The following KLF7 variants were observed in gnomAD, a reference collection of about 807,000 sequenced individuals.
KLF7 encodes the protein Krueppel-like factor 7.
In KLF7, 2 loss-of-function variants were observed where a neutral mutation model predicts 27.3. The ratio of observed to expected loss-of-function variants is 0.07; its 90% CI spans 0.03 to 0.23. KLF7 has a LOEUF of 0.23. Ranked by LOEUF, KLF7 falls within the 10% of genes least tolerant of loss-of-function variation. The pLI, the probability that KLF7 is intolerant of heterozygous loss-of-function variation, is 1.00. For missense variants in KLF7, 221 were observed against 394.1 expected (o/e 0.56, Z 3.72); for synonymous variants, 165 against 162.4 (o/e 1.02, Z -0.12).
intron 1 of KLF7, among the ~76,000 whole-genome samples, chr2:207,145,964 T>C (rs535743129): frequency 1.6e-4 from 24 of 152,310 alleles, no homozygotes; most frequent in South Asian, 4.1e-4. Context: ...AGCGATGAAA[T>C]TGAGCATTCT....
intron 2 of KLF7, among the ~76,000 whole-genome samples, chr2:207,108,239 G>A (rs762256586): frequency 1.3e-5 from 2 of 152,190 alleles, no homozygotes; most frequent in South Asian, 2.1e-4. Flanking sequence ...AACCATGAGA[G>A]GGGGGAGAAA....
chr2:207,165,232 G>A (rs566863342), intron 1 of KLF7, among the ~76,000 whole-genome samples: 1 of 152,184 alleles, frequency 6.6e-6, no homozygotes, highest in Admixed American at 6.5e-5. Flanking sequence ...GTTGGCGACT[G>A]AAACGCAGGC....
intron 1 of KLF7, among the ~76,000 whole-genome samples, chr2:207,160,219 A>G (rs1201447406): frequency 1.3e-5 from 2 of 152,142 alleles, no homozygotes; most frequent in Non-Finnish European, 2.9e-5. Flanking sequence ...GGGTTAAAAC[A>G]TTCCGCCCCC....
At chr2:207,096,885 C>G (rs1160699410) in intron 2 of KLF7, among the ~76,000 whole-genome samples, 1 of 152,168 alleles carries the variant, frequency 6.6e-6, no homozygotes, top group Non-Finnish European at 1.5e-5. Context: ...GTTCTCATCC[C>G]CTATATCCAT....
chr2:207,125,956 T>C (rs2077465925), intron 1 of KLF7, among the ~76,000 whole-genome samples: 2 of 152,232 alleles, frequency 1.3e-5, no homozygotes, highest in African/African-American at 4.8e-5. Flanking sequence ...GATAAGTTCT[T>C]AGGGGCTGAG....
intron 2 of KLF7, among the ~76,000 whole-genome samples, chr2:207,092,908 C>T (rs1211215534): frequency 6.6e-6 from 1 of 152,070 alleles, no homozygotes; most frequent in Admixed American, 6.6e-5. Context: ...TTCTTCTTGC[C>T]TTCAAAAAGA....
intron 1 of KLF7, chr2:207,149,172 T>C: frequency 3.9e-6 from 5 of 1,288,524 alleles, no homozygotes; most frequent in Non-Finnish European, 4.0e-6. Context: ...TGGTGTGTTT[T>C]CTTTTTGGAG....
rs59847589 is a variant in KLF7 at position 207,081,061 on chromosome 2, ATGTGTG to A, written c.*146_*151del. On this transcript the variant is annotated 3_prime_UTR_variant, in exon 4 of 4. Transcript: ENST00000309446. ...TGTGTGGGTCTGTGAGTGTGTGTAT[ATGTGTG>A]TGTGTGTGTGTGTGTGTACAGAGGT... 1.5e-5 allele frequency: 10 copies of A among 671,224 alleles called. No homozygotes were observed. The highest frequency in any genetic ancestry group is 4.2e-4 in the Middle Eastern group (1 of 2,398). 41.6% of individuals were successfully genotyped at this position (671,224 alleles called of 1,614,324 possible).
intron 3 of KLF7, among the ~76,000 whole-genome samples, chr2:207,087,818 T>C (rs530962351): frequency 1.8e-4 from 27 of 152,214 alleles, no homozygotes; most frequent in Non-Finnish European, 3.7e-4. Context: ...GGGTAGTATC[T>C]GTTGCTACGT....
At chr2:207,129,093 G>C (rs2077555009) in intron 1 of KLF7, among the ~76,000 whole-genome samples, 1 of 152,208 alleles carries the variant, frequency 6.6e-6, no homozygotes, top group Non-Finnish European at 1.5e-5. Context: ...CAACATTTCT[G>C]TAAGTCTAAA....
At chr2:207,153,539 G>A (rs980595745) in intron 1 of KLF7, among the ~76,000 whole-genome samples, 1 of 152,108 alleles carries the variant, frequency 6.6e-6, no homozygotes, top group Non-Finnish European at 1.5e-5. Flanking sequence ...ATTTTTTAAA[G>A]TTAGGTGTTC....
intron 2 of KLF7, among the ~76,000 whole-genome samples, chr2:207,106,541 C>T (rs1379046021): frequency 6.6e-6 from 1 of 152,128 alleles, no homozygotes; most frequent in Non-Finnish European, 1.5e-5. Flanking sequence ...CAGCATTCAT[C>T]GTCTGGTATT....
chr2:207,142,696 T>C (rs1366800045), intron 1 of KLF7, among the ~76,000 whole-genome samples: 5 of 152,118 alleles, frequency 3.3e-5, no homozygotes, highest in Admixed American at 3.3e-4. Context: ...ACAATGACAT[T>C]CTAAAAAGTG....
chr2:207,126,664 G>A (rs1055657066), intron 1 of KLF7, among the ~76,000 whole-genome samples: 41 of 152,236 alleles, frequency 2.7e-4, no homozygotes, highest in Admixed American at 2.4e-3. Context: ...TTTGCCGGGC[G>A]CAGTGGCTTG....
chr2:207,147,471 A>G (rs949313620), intron 1 of KLF7, among the ~76,000 whole-genome samples: 1 of 152,200 alleles, frequency 6.6e-6, no homozygotes, highest in African/African-American at 2.4e-5. Flanking sequence ...AGTGTTATGC[A>G]TATCAGCATA....
At chr2:207,124,450 G>A in intron 1 of KLF7, 46 bp from the exon 2 acceptor site, 1 of 1,519,122 alleles carries the variant, frequency 6.6e-7, no homozygotes, top group South Asian at 1.3e-5. Context: ...CAGAGGCACA[G>A]AACACCATGA....
At chr2:207,092,215 C>A (rs1268382983) in intron 2 of KLF7, among the ~76,000 whole-genome samples, 5 of 152,100 alleles carry the variant, frequency 3.3e-5, no homozygotes, top group African/African-American at 9.7e-5. Flanking sequence ...CTAGAGTGAA[C>A]AAAAATGCTC....
intron 2 of KLF7, among the ~76,000 whole-genome samples, chr2:207,099,926 T>C (rs1183046604): frequency 3.9e-5 from 6 of 152,124 alleles, no homozygotes; most frequent in Non-Finnish European, 8.8e-5. Context: ...GCCCAGGAGT[T>C]TGAGACCAGC....
chr2:207,173,522 G>A, the KLF7 span: 2 of 152,012 alleles, frequency 1.3e-5, no homozygotes, highest in Non-Finnish European at 2.9e-5. Context: ...AATGGTCTCG[G>A]TGAATTAACC....
Sources: allele counts gnomAD v4.1 joint callset (sites outside exome capture counted in the v4.1 genomes callset), GRCh38; gene constraint gnomAD v4.1.1; transcripts MANE v1.5; gene names NCBI Gene and HGNC (gene_info 2026-07-23, HGNC 2026-07-21).